The following AGBL4 variants were observed in gnomAD, a reference collection of about 807,000 sequenced individuals.
AGBL4 encodes AGBL carboxypeptidase 4, also known as cytosolic carboxypeptidase 6.
AGBL4 carries 58 observed loss-of-function variants against 66.4 expected under a neutral mutation model. That is an observed-to-expected ratio of 0.87 (90% confidence interval 0.71 to 1.09). The LOEUF is 1.09. Ranked by LOEUF, AGBL4 falls within the 50% of genes least tolerant of loss-of-function variation. The pLI is 0.00. For synonymous variants in AGBL4, 234 were observed against 222.9 expected, an observed-to-expected ratio of 1.05 and a Z score of -0.44; for missense variants, 579 against 631.0, an observed-to-expected ratio of 0.92 and a Z score of 0.88.
At chr1:48,618,830 G>C (rs1645362407) in intron 9 of AGBL4, among the ~76,000 whole-genome samples, 1 of 152,120 alleles carries the variant, frequency 6.6e-6, no homozygotes, top group Non-Finnish European at 1.5e-5. Context: ...AGTGGTCGGG[G>C]GAGGAGTGGG....
chr1:49,778,560 G>A (rs1200124317), intron 2 of AGBL4, among the ~76,000 whole-genome samples: 1 of 152,158 alleles, frequency 6.6e-6, no homozygotes, highest in African/African-American at 2.4e-5. Flanking sequence ...GGTACTAGAA[G>A]AAATACGTGG....
In AGBL4 at chr1:49,037,815, A is replaced by G. The variant is rs537883918; in HGVS notation, c.594+7769T>C. Among the ~76,000 whole-genome samples the G allele has an allele frequency of 3.9e-5, 6 of 152,158 alleles. 1 individual carries two copies. Among genetic ancestry groups the G allele is most frequent in the African/African-American group, 1.4e-4 (6 of 41,526 alleles). On this transcript the variant is annotated intron_variant, in intron 5 of 13. Transcript: ENST00000371839. The stretch of plus-strand genomic sequence containing the variant: ...TTTGTGTTAATCTTCTCTCCCCAGC[A>G]TCCAACATAGAGCCTGGCAGGCAGA...
intron 5 of AGBL4, among the ~76,000 whole-genome samples, chr1:48,896,234 C>T (rs887740100): frequency 6.6e-6 from 1 of 152,172 alleles, no homozygotes; most frequent in Non-Finnish European, 1.5e-5. Context: ...TCAGATCTCA[C>T]CTTGCCATTT....
intron 2 of AGBL4, among the ~76,000 whole-genome samples, chr1:49,799,156 C>A (rs2147944094): frequency 6.6e-6 from 1 of 152,260 alleles, no homozygotes; most frequent in South Asian, 2.1e-4. Context: ...AGTTAATTTT[C>A]ATTAAAAGCA....
intron 3 of AGBL4, among the ~76,000 whole-genome samples, chr1:49,270,939 A>G (rs1384848144): frequency 1.3e-5 from 2 of 152,216 alleles, no homozygotes; most frequent in Non-Finnish European, 2.9e-5. Flanking sequence ...AAATTAAAGA[A>G]CAAAAATCTA....
At chr1:48,789,480 A>G (rs55983426) in intron 6 of AGBL4, among the ~76,000 whole-genome samples, 3,890 of 151,966 alleles carry the variant, frequency 0.026, 137 homozygotes, top group African/African-American at 0.08. Flanking sequence ...TAGTAGAGAC[A>G]GGGTTTCACC....
At chr1:48,841,773 A>C (rs1570800925) in intron 6 of AGBL4, among the ~76,000 whole-genome samples, 1 of 152,092 alleles carries the variant, frequency 6.6e-6, no homozygotes, top group East Asian at 1.9e-4. Flanking sequence ...ACATTGAATC[A>C]TGCACTAGCA....
chr1:48,921,355 A>G (rs1654059675), intron 5 of AGBL4, among the ~76,000 whole-genome samples: 1 of 152,220 alleles, frequency 6.6e-6, no homozygotes, highest in Admixed American at 6.5e-5. Flanking sequence ...TCCTACCGTG[A>G]CAGACTCACT....
Position 48,591,005 on chromosome 1 carries a change from CAAATG to C in AGBL4, c.952-25_952-21del. On this transcript the variant is annotated intron_variant, in intron 9 of 13. Coordinates refer to ENST00000371839, the MANE Select transcript of AGBL4 (RefSeq NM_032785.4). ...TGTTTTCTGTTGAGAGAAAGGATAA[CAAATG>C]AGAAGTCTGGGCTGTAGAGCTTGTG... 2 of 1,594,618 alleles carry C rather than the reference CAAATG, an allele frequency of 1.3e-6. No homozygotes were observed. The highest frequency in any genetic ancestry group is 1.7e-6 in the Non-Finnish European group (2 of 1,170,622).
chr1:48,969,450 ATCC>A (rs995207022), intron 5 of AGBL4, among the ~76,000 whole-genome samples: 26 of 152,244 alleles, frequency 1.7e-4, no homozygotes, highest in Admixed American at 4.6e-4. Flanking sequence ...TAGCTATGAA[ATCC>A]TCAATTTCTT....
At chr1:49,205,440 G>A (rs576579874) in intron 4 of AGBL4, among the ~76,000 whole-genome samples, 2 of 152,128 alleles carry the variant, frequency 1.3e-5, no homozygotes, top group Admixed American at 6.5e-5. Flanking sequence ...GTGTATGCCT[G>A]CTTCCTCTGA....
At chr1:49,738,890 CA>C (rs1216669559) in intron 2 of AGBL4, among the ~76,000 whole-genome samples, 2 of 152,052 alleles carry the variant, frequency 1.3e-5, no homozygotes, top group African/African-American at 4.8e-5. Context: ...ACATCGATAC[CA>C]AAACCTCATC....
intron 3 of AGBL4, among the ~76,000 whole-genome samples, chr1:49,358,728 T>C (rs188338289): frequency 7.9e-5 from 12 of 152,314 alleles, no homozygotes; most frequent in South Asian, 2.1e-4. Context: ...CTGCTCCTAA[T>C]TGGAAACTTC....
At chr1:48,765,875 CA>C (rs1644503816) in intron 6 of AGBL4, among the ~76,000 whole-genome samples, 1 of 152,044 alleles carries the variant, frequency 6.6e-6, no homozygotes, top group Admixed American at 6.6e-5. Flanking sequence ...TCCATAGAGA[CA>C]AAAAGTAGTT....
chr1:49,176,718 C>T (rs552625450), intron 4 of AGBL4, among the ~76,000 whole-genome samples: 12 of 152,130 alleles, frequency 7.9e-5, no homozygotes, highest in Non-Finnish European at 1.5e-4. Flanking sequence ...TTTTAATACC[C>T]TATATAAAGA....
At chr1:48,976,646 T>C (rs1390839958) in intron 5 of AGBL4, among the ~76,000 whole-genome samples, 2 of 152,138 alleles carry the variant, frequency 1.3e-5, no homozygotes, top group Admixed American at 1.3e-4. Context: ...GATAGGCTCA[T>C]GCATATAATA....
intron 11 of AGBL4, among the ~76,000 whole-genome samples, chr1:48,547,333 G>A (rs974824673): frequency 2.0e-5 from 3 of 152,146 alleles, no homozygotes; most frequent in Non-Finnish European, 4.4e-5. Context: ...GCTGTACAGA[G>A]GCAGTAGAGA....
At chr1:49,039,581 A>C (rs1664947800) in intron 5 of AGBL4, among the ~76,000 whole-genome samples, 2 of 152,142 alleles carry the variant, frequency 1.3e-5, no homozygotes, top group Non-Finnish European at 2.9e-5. Flanking sequence ...TTGCCAAGAT[A>C]ATTCCTGAGT....
chr1:49,623,454 C>T (rs1302142570), intron 3 of AGBL4, among the ~76,000 whole-genome samples: 1 of 152,186 alleles, frequency 6.6e-6, no homozygotes, highest in Non-Finnish European at 1.5e-5. Flanking sequence ...CTTCTTCTTT[C>T]CTGGCATTTT....
Sources: gnomAD v4.1 joint callset for allele counts (sites outside exome capture counted in the v4.1 genomes callset) on GRCh38, gnomAD v4.1.1 for gene constraint, MANE v1.5 for transcripts, NCBI Gene and HGNC (gene_info 2026-07-23, HGNC 2026-07-21) for gene names.